Variants in P4HA3 observed in about 807,000 individuals in gnomAD.
P4HA3 encodes the protein prolyl 4-hydroxylase subunit alpha 3.
In P4HA3, 60 loss-of-function variants were observed where a neutral mutation model predicts 66.7. That is an observed-to-expected ratio of 0.90 (90% confidence interval 0.73 to 1.12). The LOEUF (loss-of-function observed/expected upper bound fraction) is 1.12, where lower values mean the gene tolerates loss of function less well. P4HA3 is among the 50% of genes most tolerant of loss of function. The pLI is 0.00. For synonymous variants in P4HA3, 263 were observed against 274.6 expected, an observed-to-expected ratio of 0.96 and a Z score of 0.42; for missense variants, 683 against 685.8, an observed-to-expected ratio of 1.00 and a Z score of 0.05.
At chr11:74,272,324 C>T (rs1860233603) in intron 10 of P4HA3, among the ~76,000 whole-genome samples, 1 of 152,130 alleles carries the variant, frequency 6.6e-6, no homozygotes, top group Non-Finnish European at 1.5e-5. Context: ...ACCAGGGAAC[C>T]AGCCATAGGA....
At chr11:74,286,107 CT>C (rs1441336987) in intron 6 of P4HA3, 120 bp downstream of exon 6, 1 of 1,477,966 alleles carries the variant, frequency 6.8e-7, no homozygotes, top group African/African-American at 1.4e-5. Context: ...CACTCTGATG[CT>C]GCCCAAGTGA....
At chr11:74,262,964 G>A (rs1303670054), downstream of P4HA3, among the ~76,000 whole-genome samples, 2 of 152,242 alleles carry the variant, frequency 1.3e-5, no homozygotes, top group Non-Finnish European at 2.9e-5. Context: ...AGAGGGACAA[G>A]CAGGGTGGCC....
At chr11:74,252,922 G>T (rs866930890) in intron 15 of P4HA3, among the ~76,000 whole-genome samples, 2 of 152,166 alleles carry the variant, frequency 1.3e-5, no homozygotes, top group Non-Finnish European at 2.9e-5. Flanking sequence ...AGTCTGTACT[G>T]CAGAAGGCCT....
intron 4 of P4HA3, among the ~76,000 whole-genome samples, chr11:74,291,601 T>C (rs1328552459): frequency 6.6e-6 from 1 of 152,244 alleles, no homozygotes; most frequent in Admixed American, 6.5e-5. Flanking sequence ...ACAGCTCTTA[T>C]TATTTTGAGA....
At chr11:74,298,107 G>T in intron 4 of P4HA3, 105 bp downstream of exon 4, 1 of 1,397,950 alleles carries the variant, frequency 7.2e-7, no homozygotes, top group Non-Finnish European at 9.6e-7. Flanking sequence ...GTCCTATTGG[G>T]AAGATGAAAC....
chr11:74,274,294 T>G (rs539860187), intron 9 of P4HA3, among the ~76,000 whole-genome samples: 17 of 147,050 alleles, frequency 1.2e-4, no homozygotes, highest in South Asian at 1.1e-3. Flanking sequence ...CAATTCTTGG[T>G]TTTTTTTTTG....
intron 11 of P4HA3, 88 bp downstream of exon 11, chr11:74,269,564 T>C: frequency 7.3e-7 from 1 of 1,370,178 alleles, no homozygotes; most frequent in Non-Finnish European, 9.9e-7. Flanking sequence ...CTCCCAGGAA[T>C]GGGCTTGCAA....
chr11:74,271,930 G>A (rs1320696062), intron 10 of P4HA3, among the ~76,000 whole-genome samples: 1 of 152,002 alleles, frequency 6.6e-6, no homozygotes, highest in African/African-American at 2.4e-5. Context: ...TGCTCTGTGG[G>A]ATACAATGAC....
At chr11:74,299,752 T>A (rs1361123085) in intron 3 of P4HA3, among the ~76,000 whole-genome samples, 1 of 151,338 alleles carries the variant, frequency 6.6e-6, no homozygotes, top group Non-Finnish European at 1.5e-5. Context: ...TATGAGCAGA[T>A]GCTGATGTTC....
chr11:74,309,517 T>G (rs1241385356), intron 1 of P4HA3, among the ~76,000 whole-genome samples: 1 of 152,092 alleles, frequency 6.6e-6, no homozygotes, highest in Non-Finnish European at 1.5e-5. Context: ...CCCAAAGAGA[T>G]TACTGGTATG....
intron 7 of P4HA3, among the ~76,000 whole-genome samples, chr11:74,280,893 A>C (rs1860569114): frequency 6.6e-6 from 1 of 152,216 alleles, no homozygotes; most frequent in Non-Finnish European, 1.5e-5. Context: ...CTGTTTCCCC[A>C]TCTAAATTCT....
intron 7 of P4HA3, among the ~76,000 whole-genome samples, chr11:74,283,525 C>T (rs1373701550): frequency 3.3e-5 from 5 of 152,172 alleles, no homozygotes; most frequent in African/African-American, 1.2e-4. Flanking sequence ...CATGATCATG[C>T]AACTCTCCCA....
rs370948358 is a variant in P4HA3, at chr11:74,284,169, G to A, written c.1110+1640C>T. ...TTTAAAGAGGCAACATGCTTATAGA[G>A]GTGCATTTTTTCTTGTTAATATTTA... On this transcript the variant is annotated intron_variant, in intron 7 of 12. Transcript: ENST00000331597. 1.5e-4 allele frequency among the ~76,000 whole-genome samples: 23 copies of A among 152,230 alleles called. 2 individuals carry two copies. The highest frequency in any genetic ancestry group is 9.8e-4 in the Admixed American group (15 of 15,288).
At chr11:74,292,014 G>A (rs1188841212) in intron 4 of P4HA3, among the ~76,000 whole-genome samples, 1 of 152,142 alleles carries the variant, frequency 6.6e-6, no homozygotes, top group Admixed American at 6.5e-5. Flanking sequence ...AGTTTCAGAA[G>A]GAATGGTACC....
intron 4 of P4HA3, among the ~76,000 whole-genome samples, chr11:74,291,052 C>T (rs1242495412): frequency 7.9e-5 from 12 of 152,214 alleles, no homozygotes; most frequent in East Asian, 5.8e-4. Flanking sequence ...GCCATTTTCA[C>T]GATATTGATT....
At position 74,277,131 on chromosome 11, in the gene P4HA3, C is replaced by T. The variant is rs745766819; in HGVS notation, c.1189G>A (p.Asp397Asn). 1.2e-6 allele frequency: 2 copies of T among 1,613,638 alleles called. No individual in the cohort carries two copies. Among genetic ancestry groups the T allele is most frequent in the African/African-American group, 1.3e-5 (1 of 75,022 alleles). ...YRISKSAWLK[D>N]TVDPKLVTLN... Reference sequence around the variant, plus strand: ...GTCACCAGTTTTGGGTCAACAGTGTCCTTCAGCCAGGCACTAAAACACACC... The same window carrying T: ...GTCACCAGTTTTGGGTCAACAGTGTTCTTCAGCCAGGCACTAAAACACACC... The change falls in exon 9 of 13, where the codon GAC (aspartate) becomes AAC (asparagine). Residue 397 changes from aspartate (D) to asparagine (N), a missense_variant. By Grantham distance (23) the Asp-to-Asn change is conservative. Coordinates refer to ENST00000331597, the MANE Select transcript of P4HA3 (RefSeq NM_182904.5).
At chr11:74,253,448 T>C in intron 15 of P4HA3, 2 of 1,577,848 alleles carry the variant, frequency 1.3e-6, no homozygotes, top group Non-Finnish European at 1.7e-6. Flanking sequence ...GGAAAGCTAT[T>C]GATAGTTACA....
At chr11:74,264,507 C>A (rs762826666), downstream of P4HA3, among the ~76,000 whole-genome samples, 1 of 152,098 alleles carries the variant, frequency 6.6e-6, no homozygotes, top group Non-Finnish European at 1.5e-5. Context: ...TGTCTCCACT[C>A]GTGGCCACAT....
intron 10 of P4HA3, among the ~76,000 whole-genome samples, 197 bp downstream of exon 10, chr11:74,273,348 C>G (rs513683): frequency 0.66 from 100,031 of 152,036 alleles, 34,720 homozygotes; most frequent in African/African-American, 0.91. Flanking sequence ...CAGCCTCTTT[C>G]AGGGTAGAAA....
Sources: allele counts gnomAD v4.1 joint callset (sites outside exome capture counted in the v4.1 genomes callset), GRCh38; gene constraint gnomAD v4.1.1; transcripts MANE v1.5; gene names NCBI Gene and HGNC (gene_info 2026-07-23, HGNC 2026-07-21).